BSPH1: variants seen among roughly 807,000 people sequenced by gnomAD.
BSPH1 encodes binder of sperm 1.
Under a neutral mutation model 22.5 loss-of-function variants are expected in BSPH1, and 21 were observed. That is an observed-to-expected ratio of 0.93 (90% CI 0.66 to 1.35). The LOEUF (loss-of-function observed/expected upper bound fraction) is 1.35. Ranked by LOEUF, BSPH1 falls within the 40% of genes most tolerant of loss-of-function variation. The pLI is 0.00. For missense variants in BSPH1, 141 were observed against 154.2 expected (o/e 0.91, Z 0.45); for synonymous variants, 42 against 53.6 (o/e 0.78, Z 0.95).
At chr19:47,988,368 C>A (rs1008549059) in intron 1 of BSPH1, among the ~76,000 whole-genome samples, 1 of 152,142 alleles carries the variant, frequency 6.6e-6, no homozygotes, top group South Asian at 2.1e-4. Flanking sequence ...GCAAGAATCA[C>A]GATCCTCCTG....
chr19:47,973,398 C>T (rs533753721), intron 5 of BSPH1, among the ~76,000 whole-genome samples: 7 of 152,114 alleles, frequency 4.6e-5, no homozygotes, highest in South Asian at 2.1e-4. Flanking sequence ...ATCACCAGCA[C>T]GCTCAATTAA....
intron 1 of BSPH1, among the ~76,000 whole-genome samples, chr19:47,989,005 A>G (rs1214615697): frequency 1.3e-5 from 2 of 151,652 alleles, no homozygotes; most frequent in Admixed American, 1.3e-4. Flanking sequence ...TAGATCGTGC[A>G]CTAGTGGGAA....
In BSPH1 at chr19:47,976,592, A is replaced by C. The variant is rs532702695; in HGVS notation, c.*2+118T>G. On this transcript the variant is annotated intron_variant, in intron 5 of 5. Coordinates refer to ENST00000344839, the MANE Select transcript of BSPH1 (RefSeq NM_001128326.2). ...TCAACTCACATCCCAGAAAAAAAAA[A>C]AAAACAAAAAAAAACCCTCTCTAAT... is the stretch of plus-strand genomic sequence containing the variant. 7.4e-4 allele frequency: 493 copies of C among 668,234 alleles called. 10 individuals carry two copies. The African/African-American group carries it at 8.4e-3, about 11-fold the overall frequency. 41.4% of individuals were successfully genotyped at this position (668,234 alleles called of 1,614,324 possible).
At chr19:47,968,633 T>A (rs1346364443) in intron 5 of BSPH1, among the ~76,000 whole-genome samples, 7 of 133,472 alleles carry the variant, frequency 5.2e-5, no homozygotes, top group Non-Finnish European at 9.2e-5. Context: ...AGTGGCATGA[T>A]CATAACTCAC....
chr19:47,968,852 A>T (rs1203312072), intron 5 of BSPH1, among the ~76,000 whole-genome samples: 1 of 151,748 alleles, frequency 6.6e-6, no homozygotes, highest in Non-Finnish European at 1.5e-5. Flanking sequence ...ACAAAAAATT[A>T]GTTGGGCATG....
intron 1 of BSPH1, among the ~76,000 whole-genome samples, chr19:47,985,917 T>C (rs535714207): frequency 1.3e-5 from 2 of 152,128 alleles, no homozygotes; most frequent in Non-Finnish European, 2.9e-5. Context: ...TGAAGTCCCC[T>C]GAACCCGATC....
At chr19:47,971,540 G>T (rs570749723) in intron 5 of BSPH1, among the ~76,000 whole-genome samples, 1 of 152,308 alleles carries the variant, frequency 6.6e-6, no homozygotes, top group East Asian at 1.9e-4. Flanking sequence ...AGATTTTATT[G>T]TCTGCACAGA....
At position 47,980,511 on chromosome 19, in the gene BSPH1, C is replaced by G. The variant is rs150728961; in HGVS notation, c.94+410G>C. On this transcript the variant is annotated intron_variant, in intron 2 of 5. Coordinates refer to ENST00000344839, the MANE Select transcript of BSPH1 (RefSeq NM_001128326.2). Reference sequence around the variant, plus strand: ...TTTTTTTTTTTTTGAGACTGTCACCCAGGCTGGAGTGCAGTGGCGTGATCT... The same window carrying G: ...TTTTTTTTTTTTTGAGACTGTCACCGAGGCTGGAGTGCAGTGGCGTGATCT... 6.1e-3 allele frequency: 1,371 copies of G among 223,838 alleles called. 18 individuals carry two copies. The highest frequency in any genetic ancestry group is 0.031 in the African/African-American group (1,269 of 41,514). The allele number at this position is 223,838 out of a possible 1,614,324, so 13.9% of individuals were successfully genotyped here. A position where few individuals can be genotyped will look rare whatever the true frequency, so the allele number is the denominator to read the frequency against.
intron 1 of BSPH1, among the ~76,000 whole-genome samples, chr19:47,989,491 T>G (rs1310509437): frequency 6.6e-6 from 1 of 151,886 alleles, no homozygotes; most frequent in Non-Finnish European, 1.5e-5. Context: ...CTGATGAGGA[T>G]GAGGAGGAAC....
chr19:47,974,258 TC>T (rs1969338849), intron 5 of BSPH1, among the ~76,000 whole-genome samples: 1 of 122,258 alleles, frequency 8.2e-6, no homozygotes, highest in African/African-American at 3.9e-5. Flanking sequence ...AGCCACTTTC[TC>T]TCTCTCTCTC....
intron 1 of BSPH1, among the ~76,000 whole-genome samples, chr19:47,990,807 C>T (rs1969516114): frequency 6.6e-6 from 1 of 152,094 alleles, no homozygotes; most frequent in Non-Finnish European, 1.5e-5. Context: ...TTACAGGCAA[C>T]ACGACTTTGG....
rs1731098725 is a variant in BSPH1 at position 47,992,112 on chromosome 19, T to A, written c.-31A>T. 6.5e-7 allele frequency: 1 copy of A among 1,532,922 alleles called. No individual in the cohort carries two copies. Among genetic ancestry groups the A allele is most frequent in the Admixed American group, 2.0e-5 (1 of 50,926 alleles). The allele number at this position is 1,532,922 out of a possible 1,614,324, so 95.0% of individuals were successfully genotyped here. On this transcript the variant is annotated 5_prime_UTR_variant, in exon 1 of 6. Coordinates refer to ENST00000344839, the MANE Select transcript of BSPH1 (RefSeq NM_001128326.2). ...GTCACAGGCTTCCCGGTATCTCAGA[T>A]CTTCCTGGTCTTTGTCAGCCAGGGC...
Position 47,979,605 on chromosome 19 carries a change from A to T in BSPH1, c.95-6T>A. On this transcript the variant is annotated splice_polypyrimidine_tract_variant and splice_region_variant and intron_variant, in intron 2 of 5. Transcript: ENST00000344839. ...TGGAAAATGAGTTATAGTTTCTGAA[A>T]AATAAAATTTAGAGCTGACATTTAT... 7.6e-7 allele frequency: 1 copy of T among 1,320,398 alleles called. No individual in the cohort carries two copies. Among genetic ancestry groups the T allele is most frequent in the Middle Eastern group, 1.8e-4 (1 of 5,418 alleles). 81.8% of individuals were successfully genotyped at this position (1,320,398 alleles called of 1,614,324 possible).
chr19:47,977,935 T>C (rs1395832386), intron 3 of BSPH1, among the ~76,000 whole-genome samples: 3 of 149,950 alleles, frequency 2.0e-5, no homozygotes, highest in East Asian at 1.9e-4. Flanking sequence ...ATCTGTGTTG[T>C]ATGGTTTTAT....
chr19:47,980,962 C>G, intron 1 of BSPH1, 21 bp from the exon 2 acceptor site: 1 of 1,361,304 alleles, frequency 7.3e-7, no homozygotes, highest in Non-Finnish European at 9.9e-7. Flanking sequence ...CAATTTTGAA[C>G]AAATATTTAT....
At chr19:47,980,177 T>C (rs1969405070) in intron 2 of BSPH1, among the ~76,000 whole-genome samples, 1 of 146,152 alleles carries the variant, frequency 6.8e-6, no homozygotes. Flanking sequence ...AGAATGTTTA[T>C]TTCAGCATGA....
chr19:47,985,496 T>C (rs1375233843), intron 1 of BSPH1, among the ~76,000 whole-genome samples: 1 of 152,030 alleles, frequency 6.6e-6, no homozygotes, highest in Non-Finnish European at 1.5e-5. Context: ...TTGAAAGAAA[T>C]GTTAAAAGTT....
chr19:47,988,378 G>A (rs1440702884), intron 1 of BSPH1, among the ~76,000 whole-genome samples: 7 of 152,168 alleles, frequency 4.6e-5, no homozygotes, highest in Non-Finnish European at 8.8e-5. Flanking sequence ...CGATCCTCCT[G>A]TTTCAGATGT....
chr19:47,971,912 C>T (rs903893769), intron 5 of BSPH1, among the ~76,000 whole-genome samples: 4 of 152,114 alleles, frequency 2.6e-5, no homozygotes, highest in African/African-American at 9.7e-5. Flanking sequence ...ATTGTCAAAG[C>T]CTTGGAAATA....
Sources: allele counts gnomAD v4.1 joint callset (sites outside exome capture counted in the v4.1 genomes callset), GRCh38; gene constraint gnomAD v4.1.1; transcripts MANE v1.5; gene names NCBI Gene and HGNC (gene_info 2026-07-23, HGNC 2026-07-21).